The following MYBL2 variants were observed in gnomAD, a reference collection of about 807,000 sequenced individuals.
The protein encoded by MYBL2 is myb-related protein B.
Under a neutral mutation model 79.9 loss-of-function variants are expected in MYBL2, and 28 were observed. The ratio of observed to expected loss-of-function variants is 0.35; its 90% confidence interval spans 0.26 to 0.48. The LOEUF is 0.48. Among genes scored for constraint, MYBL2 ranks in the 20% least tolerant of loss-of-function variants. The pLI is 0.99. For synonymous variants in MYBL2, 378 were observed against 361.2 expected (o/e 1.05, Z -0.53); for missense variants, 735 against 893.9 (o/e 0.82, Z 2.27).
intron 7 of MYBL2, among the ~76,000 whole-genome samples, chr20:43,700,425 G>A (rs1449481822): frequency 6.6e-6 from 1 of 152,196 alleles, no homozygotes; most frequent in Non-Finnish European, 1.5e-5. Flanking sequence ...GAGGAGCCCA[G>A]GAAATGCCAA....
chr20:43,703,817 C>T (rs1398916634), intron 8 of MYBL2, among the ~76,000 whole-genome samples: 2 of 148,664 alleles, frequency 1.3e-5, no homozygotes, highest in Non-Finnish European at 3.0e-5. Context: ...CAGAGTACCA[C>T]AGGCTCGGTG....
At chr20:43,671,236 A>AGAT (rs1986846867) in intron 1 of MYBL2, among the ~76,000 whole-genome samples, 1 of 151,822 alleles carries the variant, frequency 6.6e-6, no homozygotes, top group African/African-American at 2.4e-5. Context: ...GCTCACTGCA[A>AGAT]CCTCCGCCTC....
rs1343408865 is a variant in MYBL2 at position 43,667,183 on chromosome 20, G to T, written c.-101G>T. On this transcript the variant is annotated 5_prime_UTR_variant, in exon 1 of 14. Transcript: ENST00000217026. Reference sequence around the variant, plus strand: ...CTGACGCCTTCGAGCGCGGCCCGGGGCCCGGAGCGGCCGGAGCAGCCCGGG... The same window carrying T: ...CTGACGCCTTCGAGCGCGGCCCGGGTCCCGGAGCGGCCGGAGCAGCCCGGG... 2 of 804,724 alleles carry T rather than the reference G, an allele frequency of 2.5e-6. No individual in the cohort carries two copies. Among genetic ancestry groups the T allele is most frequent in the Admixed American group, 4.9e-5 (1 of 20,278 alleles). 49.8% of individuals were successfully genotyped at this position (804,724 alleles called of 1,614,324 possible). A position where few individuals can be genotyped will look rare whatever the true frequency, so the allele number is the denominator to read the frequency against.
chr20:43,704,070 G>C (rs2145729854), intron 8 of MYBL2, among the ~76,000 whole-genome samples: 1 of 152,296 alleles, frequency 6.6e-6, no homozygotes, highest in East Asian at 1.9e-4. Context: ...CTGGAGTGCA[G>C]TGGCATGATC....
chr20:43,681,897 T>A, intron 3 of MYBL2, 42 bp downstream of exon 3: 3 of 1,600,636 alleles, frequency 1.9e-6, no homozygotes, highest in Non-Finnish European at 2.6e-6. Context: ...GGGCAAGGGC[T>A]CTGGGAGAAC....
intron 8 of MYBL2, among the ~76,000 whole-genome samples, chr20:43,703,896 G>A (rs911814899): frequency 1.3e-5 from 2 of 152,136 alleles, no homozygotes; most frequent in African/African-American, 2.4e-5. Flanking sequence ...AGATGCTGGC[G>A]GCTCCTGTGT....
chr20:43,694,400 T>G (rs1170752555), intron 6 of MYBL2, among the ~76,000 whole-genome samples: 1 of 143,196 alleles, frequency 7.0e-6, no homozygotes, highest in African/African-American at 2.6e-5. Flanking sequence ...AAAAAATAGA[T>G]TTGATGATGC....
intron 5 of MYBL2, among the ~76,000 whole-genome samples, chr20:43,688,395 T>G (rs1220368487): frequency 6.6e-6 from 1 of 152,074 alleles, no homozygotes; most frequent in East Asian, 1.9e-4. Flanking sequence ...AGAGATGGAA[T>G]TTCACCATGT....
At chr20:43,706,966 G>A (rs1047454524) in intron 9 of MYBL2, among the ~76,000 whole-genome samples, 20 of 151,126 alleles carry the variant, frequency 1.3e-4, no homozygotes, top group African/African-American at 4.6e-4. Context: ...CACTCGCCTC[G>A]GCTTCCCAAA....
chr20:43,678,106 A>C (rs1987056403), intron 2 of MYBL2, among the ~76,000 whole-genome samples: 1 of 152,286 alleles, frequency 6.6e-6, no homozygotes, highest in South Asian at 2.1e-4. Context: ...TGAAGGCAGC[A>C]TGCTCGTTAA....
chr20:43,685,133 G>A (rs538153517), intron 4 of MYBL2, among the ~76,000 whole-genome samples: 17 of 112,638 alleles, frequency 1.5e-4, no homozygotes, highest in Non-Finnish European at 2.9e-4. Flanking sequence ...GGCAGCAGGA[G>A]CGAAACTCTG....
At position 43,698,661 on chromosome 20, in the gene MYBL2, A is replaced by ATT. The variant is rs1188859456; in HGVS notation, c.664-1075_664-1074dup. On this transcript the variant is annotated intron_variant, in intron 6 of 13. Transcript: ENST00000217026. ...CCAATGTGCTGGGATTACAGGCGTG[A>ATT]TTTTTTTTTTTTTTTTTTTTTTAAA... 2.8e-4 allele frequency among the ~76,000 whole-genome samples: 33 copies of ATT among 115,914 alleles called. 1 individual carries two copies. Among genetic ancestry groups the ATT allele is most frequent in the Admixed American group, 7.4e-4 (8 of 10,862 alleles). 76.0% of individuals were successfully genotyped at this position (115,914 alleles called of 152,430 possible).
intron 1 of MYBL2, among the ~76,000 whole-genome samples, chr20:43,672,976 C>T (rs963519964): frequency 2.0e-5 from 3 of 152,080 alleles, no homozygotes; most frequent in Non-Finnish European, 2.9e-5. Flanking sequence ...GACAGTCTTG[C>T]TTTGTCACCC....
Position 43,667,311 on chromosome 20 carries a change from G to C in MYBL2, c.20+8G>C. The C allele has an allele frequency of 1.6e-6, 2 of 1,229,702 alleles. No homozygotes were observed. The highest frequency in any genetic ancestry group is 3.2e-5 in the East Asian group (1 of 31,440). The allele number at this position is 1,229,702 out of a possible 1,614,324, so 76.2% of individuals were successfully genotyped here. A position where few individuals can be genotyped will look rare whatever the true frequency, so the allele number is the denominator to read the frequency against. ...GTCTCGGCGGACGCGCTGGTGAGAC[G>C]AGCCGGGAGGGCTTGGGCCCCTCCC... On this transcript the variant is annotated splice_region_variant and intron_variant, in intron 1 of 13. Transcript: ENST00000217026.
At chr20:43,673,940 GC>G in intron 2 of MYBL2, 41 bp downstream of exon 2, 1 of 1,505,768 alleles carries the variant, frequency 6.6e-7, no homozygotes, top group Non-Finnish European at 9.0e-7. Flanking sequence ...GCAGCTGGGG[GC>G]TGTCCAGAGG....
chr20:43,690,682 C>T (rs1987386549), intron 5 of MYBL2, among the ~76,000 whole-genome samples: 1 of 152,178 alleles, frequency 6.6e-6, no homozygotes, highest in African/African-American at 2.4e-5. Flanking sequence ...TCTCTGTTCA[C>T]TTTTCAAGGA....
intron 9 of MYBL2, among the ~76,000 whole-genome samples, chr20:43,709,169 C>T (rs941863015): frequency 6.6e-6 from 1 of 152,180 alleles, no homozygotes; most frequent in Non-Finnish European, 1.5e-5. Flanking sequence ...CTCTCATCCT[C>T]TGAGTGCCCT....
intron 9 of MYBL2, among the ~76,000 whole-genome samples, chr20:43,707,181 G>GT (rs3091888): frequency 0.029 from 4,133 of 140,626 alleles, 218 homozygotes; most frequent in African/African-American, 0.097. Context: ...TCTCTTTCTA[G>GT]TTTTTTTTTT....
rs147602207 is a variant in MYBL2, at chr20:43,671,093, C to T, written c.21-2713C>T. On this transcript the variant is annotated intron_variant, in intron 1 of 13. Coordinates refer to ENST00000217026, the MANE Select transcript of MYBL2 (RefSeq NM_002466.4). ...AAGCAATTCTCCTGCCTCAGTTTCC[C>T]GAGTAGCTAGGACTACAGGTACATG... Among the ~76,000 whole-genome samples, 1,414 of 151,766 alleles carry T rather than the reference C, an allele frequency of 9.3e-3. 12 individuals are homozygous for T. Among genetic ancestry groups the T allele is most frequent in the African/African-American group, 0.032 (1,320 of 41,348 alleles).
Sources: allele counts gnomAD v4.1 joint callset (sites outside exome capture counted in the v4.1 genomes callset), GRCh38; gene constraint gnomAD v4.1.1; transcripts MANE v1.5; gene names NCBI Gene and HGNC (gene_info 2026-07-23, HGNC 2026-07-21).